Variants in MET observed in about 807,000 individuals in gnomAD.
MET encodes hepatocyte growth factor receptor.
MET carries 48 observed loss-of-function variants against 133.1 expected under a neutral mutation model. The observed-to-expected ratio is 0.36, with a 90% CI of 0.29 to 0.46. The LOEUF (loss-of-function observed/expected upper bound fraction) is 0.46, where lower values mean the gene tolerates loss of function less well. Ranked by LOEUF, MET falls within the 20% of genes least tolerant of loss-of-function variation. The pLI, the probability that MET is intolerant of heterozygous loss-of-function variation, is 1.00. For synonymous variants in MET, 628 were observed against 616.5 expected (o/e 1.02, Z -0.28); for missense variants, 1,442 against 1,695.9 (o/e 0.85, Z 2.63).
intron 11 of MET, among the ~76,000 whole-genome samples, chr7:116,766,877 GC>G (rs1277297003): frequency 2.0e-5 from 3 of 152,084 alleles, no homozygotes; most frequent in African/African-American, 7.2e-5. Context: ...ATTTTGGTTT[GC>G]CCAGCTTTTC....
chr7:116,696,427 A>C (rs1006976200), intron 1 of MET, among the ~76,000 whole-genome samples: 4 of 152,180 alleles, frequency 2.6e-5, no homozygotes, highest in African/African-American at 9.6e-5. Context: ...TCCCTTTGAT[A>C]AACATTCTAC....
chr7:116,766,620 T>C (rs573612778), intron 11 of MET, among the ~76,000 whole-genome samples: 18 of 152,292 alleles, frequency 1.2e-4, no homozygotes, highest in African/African-American at 3.8e-4. Context: ...AGTGAAGGGT[T>C]CTTTTTTCAG....
At chr7:116,717,500 A>C (rs1792289763) in intron 2 of MET, among the ~76,000 whole-genome samples, 1 of 152,220 alleles carries the variant, frequency 6.6e-6, no homozygotes. Flanking sequence ...CTAGACAAAG[A>C]GGTACTTTCT....
chr7:116,783,396 G>C lies in MET; in HGVS notation c.3725G>C (p.Gly1242Ala), dbSNP rs776086430. ...KEYYSVHNKT[G>A]AKLPVKWMAL... ...TACTATAGTGTACACAACAAAACAG[G>C]TGCAAAGCTGCCAGTGAAGTGGATG... The change falls in exon 19 of 21, where the codon GGT becomes GCT. Residue 1242 changes from glycine to alanine, a missense_variant. By Grantham distance (60) the Gly-to-Ala change is moderately conservative (BLOSUM62 0). This residue lies in a region of MET where 38 missense variants were observed against 40.6 expected (regional missense o/e 0.94). Transcript: ENST00000397752. The C allele has an allele frequency of 6.2e-7, 1 of 1,614,150 alleles. No individual in the cohort carries two copies. The highest frequency in any genetic ancestry group is 8.5e-7 in the Non-Finnish European group (1 of 1,180,022).
intron 4 of MET, 130 bp downstream of exon 4, chr7:116,740,214 A>C: frequency 9.9e-7 from 1 of 1,013,342 alleles, no homozygotes; most frequent in Non-Finnish European, 1.5e-6. Flanking sequence ...TAAGTTCTTT[A>C]GTGAGTATTC....
chr7:116,753,945 G>A (rs1794025532), intron 5 of MET, among the ~76,000 whole-genome samples: 1 of 152,112 alleles, frequency 6.6e-6, no homozygotes, highest in Non-Finnish European at 1.5e-5. Flanking sequence ...AATGAAACCT[G>A]GGCAGCATAA....
intron 19 of MET, among the ~76,000 whole-genome samples, chr7:116,786,565 G>A (rs1417266255): frequency 5.9e-5 from 9 of 152,182 alleles, no homozygotes; most frequent in Non-Finnish European, 1.2e-4. Flanking sequence ...CTGCTACTCA[G>A]TACACCAGAA....
intron 11 of MET, 47 bp downstream of exon 11, chr7:116,763,315 A>G: frequency 6.6e-7 from 1 of 1,509,440 alleles, no homozygotes; most frequent in Non-Finnish European, 9.2e-7. Context: ...CTCAAACTTA[A>G]TTGACTTCAT....
chr7:116,755,871 T>C (rs1794158997), intron 6 of MET, among the ~76,000 whole-genome samples: 1 of 152,216 alleles, frequency 6.6e-6, no homozygotes, highest in Non-Finnish European at 1.5e-5. Flanking sequence ...AAAGGCTTTT[T>C]CTACAGAAAT....
intron 2 of MET, among the ~76,000 whole-genome samples, chr7:116,730,765 T>C (rs1299952832): frequency 6.6e-6 from 1 of 152,140 alleles, no homozygotes; most frequent in Non-Finnish European, 1.5e-5. Context: ...GTGTGTAGTG[T>C]CCTAAGGTCA....
intron 1 of MET, among the ~76,000 whole-genome samples, chr7:116,676,269 G>C (rs1796156760): frequency 6.6e-6 from 1 of 152,068 alleles, no homozygotes; most frequent in Non-Finnish European, 1.5e-5. Context: ...TTATATAATG[G>C]GCAATAGAAT....
In MET at chr7:116,690,508, C is replaced by T. The variant is rs144969165; in HGVS notation, c.-14-8563C>T. Among the ~76,000 whole-genome samples, 219 of 152,276 alleles carry T rather than the reference C, an allele frequency of 1.4e-3. 1 individual carries two copies. Among genetic ancestry groups the T allele is most frequent in the Non-Finnish European group, 2.6e-3 (178 of 68,026 alleles). Reference sequence around the variant, plus strand: ...AAAAATTCTGAAGATTCCTCCTGTCCCTTCGATTCACTGTTGGAAACCATT... The same window carrying T: ...AAAAATTCTGAAGATTCCTCCTGTCTCTTCGATTCACTGTTGGAAACCATT... On this transcript the variant is annotated intron_variant, in intron 1 of 20. Coordinates refer to ENST00000397752, the MANE Select transcript of MET (RefSeq NM_000245.4).
At chr7:116,720,799 C>T (rs755838189) in intron 2 of MET, among the ~76,000 whole-genome samples, 6,555 of 111,740 alleles carry the variant, frequency 0.059, 165 homozygotes, top group Middle Eastern at 0.11. Context: ...TATTGATTTG[C>T]GTATATTGAA....
chr7:116,703,550 A>C (rs1475551041), intron 2 of MET, among the ~76,000 whole-genome samples: 1 of 152,138 alleles, frequency 6.6e-6, no homozygotes, highest in African/African-American at 2.4e-5. Flanking sequence ...TGTAGGGAGA[A>C]AAAACCCTCA....
intron 1 of MET, among the ~76,000 whole-genome samples, chr7:116,685,031 A>G (rs999986628): frequency 6.6e-6 from 1 of 152,186 alleles, no homozygotes; most frequent in Non-Finnish European, 1.5e-5. Context: ...GTCAAAGATG[A>G]TGTCCTAGAA....
At chr7:116,675,709 G>A (rs1212996109) in intron 1 of MET, among the ~76,000 whole-genome samples, 1 of 151,740 alleles carries the variant, frequency 6.6e-6, no homozygotes, top group Non-Finnish European at 1.5e-5. Context: ...AACATATCTA[G>A]TCCCTGGAGT....
At chr7:116,767,516 A>G (rs1235977945) in intron 11 of MET, among the ~76,000 whole-genome samples, 1 of 152,102 alleles carries the variant, frequency 6.6e-6, no homozygotes, top group Non-Finnish European at 1.5e-5. Flanking sequence ...CCCTTTCTGG[A>G]TAATAGTTCT....
At chr7:116,790,120 A>G (rs1795438231) in intron 19 of MET, among the ~76,000 whole-genome samples, 2 of 152,220 alleles carry the variant, frequency 1.3e-5, no homozygotes, top group South Asian at 4.1e-4. Flanking sequence ...TGTCCCTGCA[A>G]AAGACATGAT....
intron 3 of MET, 83 bp from the exon 4 acceptor site, chr7:116,739,867 A>G: frequency 6.3e-7 from 1 of 1,590,374 alleles, no homozygotes; most frequent in Non-Finnish European, 8.6e-7. Flanking sequence ...CTAATCTGTT[A>G]TTACCATTAT....
Sources: gnomAD v4.1 joint callset for allele counts (sites outside exome capture counted in the v4.1 genomes callset) on GRCh38, gnomAD v4.1.1 for gene constraint, gnomAD v4.1.1 regional missense constraint, MANE v1.5 for transcripts, NCBI Gene and HGNC (gene_info 2026-07-23, HGNC 2026-07-21) for gene names.